Variants in URI1 observed in about 807,000 individuals in gnomAD.
URI1 encodes the protein unconventional prefoldin RPB5 interactor 1.
URI1 carries 39 observed loss-of-function variants against 60.2 expected under a neutral mutation model. That is an observed-to-expected ratio of 0.65 (90% CI 0.50 to 0.85). URI1 has a LOEUF of 0.85. Among genes scored for constraint, URI1 ranks in the 40% least tolerant of loss-of-function variants. The pLI is 0.00. For synonymous variants in URI1, 251 were observed against 236.8 expected, an observed-to-expected ratio of 1.06 and a Z score of -0.55; for missense variants, 691 against 665.9, an observed-to-expected ratio of 1.04 and a Z score of -0.42.
chr19:29,950,134 A>C (rs1448523487), intron 1 of URI1, among the ~76,000 whole-genome samples: 1 of 152,208 alleles, frequency 6.6e-6, no homozygotes, highest in Non-Finnish European at 1.5e-5. Context: ...AAGAAGAGAC[A>C]ACTTTGGTTT....
intron 4 of URI1, among the ~76,000 whole-genome samples, chr19:29,994,811 C>G (rs1438566557): frequency 6.7e-6 from 1 of 148,414 alleles, no homozygotes; most frequent in Admixed American, 6.7e-5. Context: ...GGCAGGGTCT[C>G]ACTCTGTTGC....
chr19:29,971,091 TTAAATCTG>T, intron 1 of URI1, 94 bp from the exon 2 acceptor site: 1 of 1,123,684 alleles, frequency 8.9e-7, no homozygotes, highest in Non-Finnish European at 1.3e-6. Context: ...TGAGATGCTA[TTAAATCTG>T]TAAAGCCAAT....
intron 9 of URI1, 149 bp from the exon 10 acceptor site, chr19:30,012,136 A>G (rs2056028791): frequency 2.2e-6 from 2 of 916,126 alleles, no homozygotes; most frequent in East Asian, 5.6e-5. Context: ...AGGCTATAAA[A>G]TTATTGTGAT....
intron 7 of URI1, 149 bp downstream of exon 7, chr19:30,007,787 A>G: frequency 6.0e-6 from 4 of 667,546 alleles, no homozygotes; most frequent in Non-Finnish European, 9.2e-6. Context: ...TCACCTCAAG[A>G]TGAACATTAA....
chr19:29,963,687 C>A (rs2055354331), intron 1 of URI1, among the ~76,000 whole-genome samples: 1 of 152,012 alleles, frequency 6.6e-6, no homozygotes, highest in African/African-American at 2.4e-5. Context: ...TGTAGATATT[C>A]CTGAAGGTGA....
intron 1 of URI1, among the ~76,000 whole-genome samples, chr19:29,949,964 T>TC (rs1199235479): frequency 6.6e-6 from 1 of 151,962 alleles, no homozygotes; most frequent in Admixed American, 6.6e-5. Context: ...GGTTACTTAT[T>TC]TTTTAAGAAA....
At chr19:29,974,526 A>G (rs2055497449) in intron 2 of URI1, among the ~76,000 whole-genome samples, 2 of 152,182 alleles carry the variant, frequency 1.3e-5, no homozygotes, top group Admixed American at 6.5e-5. Flanking sequence ...TCATCAACTC[A>G]TGATTTTCTC....
intron 2 of URI1, among the ~76,000 whole-genome samples, chr19:29,983,960 T>C (rs2145366435): frequency 6.6e-6 from 1 of 152,338 alleles, no homozygotes; most frequent in Admixed American, 6.5e-5. Context: ...TAATTTCTTC[T>C]ACCCCCAGTT....
Position 29,942,264 on chromosome 19 carries a change from G to T in URI1, c.-284G>T. On this transcript the variant is annotated 5_prime_UTR_variant, in exon 1 of 11. Transcript: ENST00000392271. ...GTGTGGGGAGGCGCGGCCGCCACGC[G>T]ACGCCTGGCTGGGCCCGCACCGGAG... The T allele has an allele frequency of 2.0e-6, 2 of 984,696 alleles. No homozygotes were observed. The highest frequency in any genetic ancestry group is 9.2e-5 in the South Asian group (2 of 21,698). 61.0% of individuals were successfully genotyped at this position (984,696 alleles called of 1,614,324 possible). A position where few individuals can be genotyped will look rare whatever the true frequency, so the allele number is the denominator to read the frequency against.
upstream of URI1, among the ~76,000 whole-genome samples, chr19:29,940,082 C>A (rs539444314): frequency 7.2e-5 from 11 of 152,306 alleles, no homozygotes; most frequent in South Asian, 1.2e-3. Context: ...TTGTCCTGGT[C>A]ATTTAGAAAA....
chr19:30,015,817 T>A lies in URI1; in HGVS notation c.*748T>A. ...GGAATTCTTTCAGTTCCTCAGATAC[T>A]TCTCCCTTAGTTTTTGCAGTTTCAC... On this transcript the variant is annotated 3_prime_UTR_variant, in exon 11 of 11. Transcript: ENST00000392271. The A allele has an allele frequency of 2.5e-6, 1 of 406,676 alleles. No individual in the cohort carries two copies. Among genetic ancestry groups the A allele is most frequent in the Non-Finnish European group, 4.3e-6 (1 of 230,796 alleles). 25.2% of individuals were successfully genotyped at this position (406,676 alleles called of 1,614,324 possible).
chr19:29,949,368 C>T (rs1225734520), intron 1 of URI1, among the ~76,000 whole-genome samples: 29 of 142,044 alleles, frequency 2.0e-4, no homozygotes, highest in Non-Finnish European at 3.4e-4. Context: ...TGGGCAGAGA[C>T]GCTCCTCACT....
intron 4 of URI1, among the ~76,000 whole-genome samples, chr19:29,994,698 A>C (rs1319594749): frequency 6.6e-6 from 1 of 152,110 alleles, no homozygotes; most frequent in Non-Finnish European, 1.5e-5. Context: ...TAGGTATACA[A>C]ATATTTATTT....
chr19:29,940,705 G>C (rs1274046384), upstream of URI1, among the ~76,000 whole-genome samples: 1 of 152,140 alleles, frequency 6.6e-6, no homozygotes, highest in Non-Finnish European at 1.5e-5. Flanking sequence ...ACCCATTCTT[G>C]AACCAACTAT....
chr19:30,010,594 C>T (rs966815197), intron 8 of URI1, among the ~76,000 whole-genome samples: 1 of 151,982 alleles, frequency 6.6e-6, no homozygotes, highest in African/African-American at 2.4e-5. Context: ...ACATGTTAAC[C>T]CCATGTGAAC....
At chr19:29,985,717 T>C (rs924288802) in intron 3 of URI1, among the ~76,000 whole-genome samples, 5 of 152,212 alleles carry the variant, frequency 3.3e-5, no homozygotes, top group African/African-American at 4.8e-5. Flanking sequence ...TTTAATGATC[T>C]TCACATCGAC....
At position 30,015,752 on chromosome 19, in the gene URI1, T is replaced by C; in HGVS notation, c.*683T>C. ...TTCAAAATTGAGTACAGATATGTCC[T>C]TGATTCATATGTATGCTACATGTAT... On this transcript the variant is annotated 3_prime_UTR_variant, in exon 11 of 11. Transcript: ENST00000392271. 1 of 624,162 alleles carries C rather than the reference T, an allele frequency of 1.6e-6. No homozygotes were observed. Among genetic ancestry groups the C allele is most frequent in the Non-Finnish European group, 2.7e-6 (1 of 364,908 alleles). The allele number at this position is 624,162 out of a possible 1,614,324, so 38.7% of individuals were successfully genotyped here.
Position 30,012,455 on chromosome 19 carries a change from A to C in URI1, c.1349A>C (p.Asp450Ala). The C allele has an allele frequency of 6.2e-7, 1 of 1,614,204 alleles. No individual in the cohort carries two copies. Among genetic ancestry groups the C allele is most frequent in the Non-Finnish European group, 8.5e-7 (1 of 1,180,022 alleles). The change falls in exon 10 of 11, where the codon GAC (aspartate) becomes GCC (alanine). Residue 450 changes from aspartate to alanine, a missense_variant. Transcript: ENST00000392271. ...AGCTGCGAAGAAGCCACTTGCAGTG[A>C]CACCAGTGAGAGCATTTTGGAAGAG... is the stretch of plus-strand genomic sequence containing the variant. ...SISCEEATCS[D>A]TSESILEEEP...
At chr19:30,002,093 G>GA (rs2055885872) in intron 4 of URI1, among the ~76,000 whole-genome samples, 1 of 152,076 alleles carries the variant, frequency 6.6e-6, no homozygotes, top group Non-Finnish European at 1.5e-5. Context: ...ATTCAGTAGA[G>GA]AATTGCATAT....
Sources: gnomAD v4.1 joint callset for allele counts (sites outside exome capture counted in the v4.1 genomes callset) on GRCh38, gnomAD v4.1.1 for gene constraint, MANE v1.5 for transcripts, NCBI Gene and HGNC (gene_info 2026-07-23, HGNC 2026-07-21) for gene names.